TSPAN9: variants seen among roughly 807,000 people sequenced by gnomAD.
TSPAN9 encodes tetraspanin 9.
In TSPAN9, 16 loss-of-function variants were observed where a neutral mutation model predicts 31.0. The ratio of observed to expected loss-of-function variants is 0.52; its 90% CI spans 0.35 to 0.78. The LOEUF (loss-of-function observed/expected upper bound fraction) is 0.78. Ranked by LOEUF, TSPAN9 falls within the 30% of genes least tolerant of loss-of-function variation. TSPAN9 has a pLI of 0.01. For synonymous variants in TSPAN9, 145 were observed against 121.6 expected (o/e 1.19, Z -1.27); for missense variants, 272 against 312.5 (o/e 0.87, Z 0.98).
chr12:3,249,378 C>G (rs1323832620), intron 3 of TSPAN9, among the ~76,000 whole-genome samples: 1 of 152,224 alleles, frequency 6.6e-6, no homozygotes, highest in Non-Finnish European at 1.5e-5. Flanking sequence ...ACCATTCTCT[C>G]CAGATCAATT....
intron 3 of TSPAN9, among the ~76,000 whole-genome samples, chr12:3,265,644 C>A (rs1378455209): frequency 6.6e-6 from 1 of 152,174 alleles, no homozygotes; most frequent in Admixed American, 6.5e-5. Flanking sequence ...TGGCCGTGCG[C>A]CCCCTCCTTT....
chr12:3,097,639 T>A (rs548286994), intron 2 of TSPAN9, among the ~76,000 whole-genome samples: 39 of 152,288 alleles, frequency 2.6e-4, no homozygotes, highest in African/African-American at 9.1e-4. Flanking sequence ...GCAAGTACAG[T>A]GCTGGCCCAG....
At chr12:3,116,839 T>C (rs2098322670) in intron 2 of TSPAN9, among the ~76,000 whole-genome samples, 1 of 152,124 alleles carries the variant, frequency 6.6e-6, no homozygotes, top group Admixed American at 6.5e-5. Flanking sequence ...ATCAGCTGTT[T>C]CTCAGATAAC....
At chr12:3,184,701 G>C (rs562346455) in intron 2 of TSPAN9, among the ~76,000 whole-genome samples, 1 of 152,218 alleles carries the variant, frequency 6.6e-6, no homozygotes, top group Non-Finnish European at 1.5e-5. Flanking sequence ...TGTGTGACCC[G>C]TCCTGCCCTG....
intron 2 of TSPAN9, among the ~76,000 whole-genome samples, chr12:3,118,268 T>TTG (rs1565582059): frequency 1.2e-4 from 13 of 111,394 alleles, no homozygotes; most frequent in African/African-American, 3.7e-4. Flanking sequence ...TTTTTTTTTT[T>TTG]TTTTTTTTTT....
intron 2 of TSPAN9, among the ~76,000 whole-genome samples, chr12:3,104,457 A>G (rs1447564257): frequency 6.6e-6 from 1 of 151,870 alleles, no homozygotes; most frequent in Non-Finnish European, 1.5e-5. Flanking sequence ...GGTTCAAGAG[A>G]TCCTCCCACC....
At chr12:3,268,442 G>C (rs1216011094) in intron 3 of TSPAN9, among the ~76,000 whole-genome samples, 26 of 96,444 alleles carry the variant, frequency 2.7e-4, no homozygotes, top group African/African-American at 3.1e-4. Context: ...CCTGCCCTCC[G>C]TGCGTTCCTG....
intron 3 of TSPAN9, among the ~76,000 whole-genome samples, chr12:3,221,856 G>A (rs2098384759): frequency 6.6e-6 from 1 of 152,118 alleles, no homozygotes; most frequent in South Asian, 2.1e-4. Context: ...GGGTCTCCCT[G>A]TGTTGCTTAG....
chr12:3,214,677 T>C (rs1390586694), intron 3 of TSPAN9, among the ~76,000 whole-genome samples: 1 of 152,018 alleles, frequency 6.6e-6, no homozygotes, highest in East Asian at 1.9e-4. Flanking sequence ...CCCTCCCCCC[T>C]GCAGGGGAGG....
intron 2 of TSPAN9, among the ~76,000 whole-genome samples, chr12:3,104,121 C>T (rs1253114489): frequency 2.0e-5 from 3 of 151,970 alleles, no homozygotes; most frequent in Non-Finnish European, 4.4e-5. Flanking sequence ...CACATGAGGC[C>T]TGTTCAAGGC....
chr12:3,205,400 G>A (rs2098374501), intron 3 of TSPAN9, among the ~76,000 whole-genome samples: 1 of 152,244 alleles, frequency 6.6e-6, no homozygotes, highest in Non-Finnish European at 1.5e-5. Context: ...CTTAAGTGAG[G>A]TCAGGGCCCT....
At chr12:3,156,510 GT>G (rs1217182043) in intron 2 of TSPAN9, among the ~76,000 whole-genome samples, 10 of 145,718 alleles carry the variant, frequency 6.9e-5, no homozygotes, top group East Asian at 2.1e-4. Flanking sequence ...TTTTGTTTTT[GT>G]TTTTTTTTTA....
chr12:3,119,510 G>A (rs192824828), intron 2 of TSPAN9, among the ~76,000 whole-genome samples: 1 of 152,260 alleles, frequency 6.6e-6, no homozygotes, highest in South Asian at 2.1e-4. Flanking sequence ...GCCCTTGCCC[G>A]TGTGATGTTT....
At chr12:3,169,794 A>C (rs2098350719) in intron 2 of TSPAN9, among the ~76,000 whole-genome samples, 1 of 152,050 alleles carries the variant, frequency 6.6e-6, no homozygotes, top group African/African-American at 2.4e-5. Flanking sequence ...ATTTGAAGGC[A>C]GGAAGAAGAT....
chr12:3,174,816 T>C (rs74751065), intron 2 of TSPAN9, among the ~76,000 whole-genome samples: 4 of 149,906 alleles, frequency 2.7e-5, no homozygotes. Flanking sequence ...TCTCCTGACC[T>C]CGTGATCCTC....
intron 2 of TSPAN9, among the ~76,000 whole-genome samples, chr12:3,112,955 A>C (rs551745557): frequency 7.1e-4 from 108 of 152,178 alleles, no homozygotes; most frequent in Non-Finnish European, 6.9e-4. Flanking sequence ...TAAAGTGTGG[A>C]TATTATAGGA....
chr12:3,278,375 G>A (rs1323655092), intron 3 of TSPAN9, 46 bp from the exon 4 acceptor site: 4 of 1,604,782 alleles, frequency 2.5e-6, no homozygotes, highest in Non-Finnish European at 1.7e-6. Context: ...GTCCATGGAC[G>A]AATGTGAGAG....
chr12:3,260,710 T>G (rs138579409), intron 3 of TSPAN9, among the ~76,000 whole-genome samples: 33 of 152,276 alleles, frequency 2.2e-4, no homozygotes, highest in African/African-American at 7.7e-4. Flanking sequence ...CAGGTGCTCC[T>G]GGAATACAGA....
chr12:3,281,063 G>A, intron 6 of TSPAN9, 135 bp from the exon 7 acceptor site: 1 of 1,400,968 alleles, frequency 7.1e-7, no homozygotes, highest in East Asian at 2.5e-5. Flanking sequence ...CAAGAAGCAA[G>A]CCCTTTGTCT....
Sources: gnomAD v4.1 joint callset for allele counts (sites outside exome capture counted in the v4.1 genomes callset) on GRCh38, gnomAD v4.1.1 for gene constraint, MANE v1.5 for transcripts, NCBI Gene and HGNC (gene_info 2026-07-23, HGNC 2026-07-21) for gene names.